The following TSPAN14 variants were observed in gnomAD, a reference collection of about 807,000 sequenced individuals.
The protein encoded by TSPAN14 is tetraspanin 14, also known as tetraspanin-14.
In TSPAN14, 16 loss-of-function variants were observed where a neutral mutation model predicts 36.6. That is an observed-to-expected ratio of 0.44 (90% CI 0.30 to 0.66). The LOEUF is 0.66. TSPAN14 is among the 30% of genes least tolerant of loss of function. The pLI is 0.12. For synonymous variants in TSPAN14, 139 were observed against 143.8 expected, an observed-to-expected ratio of 0.97 and a Z score of 0.24; for missense variants, 231 against 355.1, an observed-to-expected ratio of 0.65 and a Z score of 2.81.
rs564424042 is a variant in TSPAN14, at chr10:80,478,884, T to C, written c.-17-10333T>C. 4.6e-4 allele frequency among the ~76,000 whole-genome samples: 70 copies of C among 152,310 alleles called. 2 individuals are homozygous for C. In the South Asian group the frequency reaches 0.014, roughly 32 times the overall value. On this transcript the variant is annotated intron_variant, in intron 1 of 8. Coordinates refer to ENST00000429989, the Ensembl canonical transcript of TSPAN14. Reference sequence around the variant, plus strand: ...TAAGAATATAAAAATTCCACAATGGTTGAACTAGTTTACAGTCCCACCAAC... The same window carrying C: ...TAAGAATATAAAAATTCCACAATGGCTGAACTAGTTTACAGTCCCACCAAC...
intron 1 of TSPAN14, among the ~76,000 whole-genome samples, chr10:80,475,358 G>A (rs1398423947): frequency 6.6e-6 from 1 of 152,128 alleles, no homozygotes; most frequent in East Asian, 1.9e-4. Context: ...CTTGAGCCAG[G>A]GGTTTGAGAT....
At chr10:80,498,806 G>A (rs994613415) in intron 2 of TSPAN14, among the ~76,000 whole-genome samples, 4 of 152,190 alleles carry the variant, frequency 2.6e-5, no homozygotes, top group Admixed American at 6.5e-5. Flanking sequence ...TGTGACCTAG[G>A]AAAGATAATC....
intron 1 of TSPAN14, 54 bp from the exon 2 acceptor site, chr10:80,489,163 G>A (rs1847788583): frequency 1.6e-6 from 2 of 1,233,476 alleles, no homozygotes; most frequent in Admixed American, 2.0e-5. Context: ...CTGGTTTGGG[G>A]GAAAGGTTTT....
exon 9 of TSPAN14, chr10:80,520,762 A>G (rs374979883): frequency 1.9e-5 from 10 of 533,100 alleles, no homozygotes; most frequent in East Asian, 1.6e-4. Flanking sequence ...ACCACCCACC[A>G]TGCCCCACGT....
At chr10:80,519,696 GC>G (rs768782814) in exon 9 of TSPAN14, 2 of 152,334 alleles carry the variant, frequency 1.3e-5, no homozygotes. Flanking sequence ...AGTGGTAAAC[GC>G]GGCTGCCAGA....
chr10:80,456,519 G>A (rs1254161775), intron 1 of TSPAN14, among the ~76,000 whole-genome samples: 1 of 152,150 alleles, frequency 6.6e-6, no homozygotes, highest in African/African-American at 2.4e-5. Context: ...GGAAAGCCCT[G>A]GGTTCTGGAA....
chr10:80,476,633 T>A (rs923012534), intron 1 of TSPAN14, among the ~76,000 whole-genome samples: 4 of 152,040 alleles, frequency 2.6e-5, no homozygotes, highest in African/African-American at 9.7e-5. Context: ...GCCAAGATGG[T>A]CTCGATATCC....
chr10:80,504,814 C>A (rs1383352887), intron 3 of TSPAN14, 36 bp downstream of exon 3: 3 of 1,612,128 alleles, frequency 1.9e-6, no homozygotes, highest in Non-Finnish European at 1.7e-6. Context: ...GAGCTTCAGG[C>A]AGCCAAAACC....
chr10:80,520,804 C>T, exon 9 of TSPAN14: 1 of 533,540 alleles, frequency 1.9e-6, no homozygotes, highest in Non-Finnish European at 3.8e-6. Context: ...ATTGTCAACT[C>T]TGGCCTTCTT....
chr10:80,507,460 C>A, intron 4 of TSPAN14, 86 bp downstream of exon 4: 2 of 1,574,902 alleles, frequency 1.3e-6, no homozygotes, highest in Non-Finnish European at 1.7e-6. Flanking sequence ...CTGGTCAGAG[C>A]AGGTGGCAGC....
chr10:80,498,431 A>T (rs1227919600), intron 2 of TSPAN14, among the ~76,000 whole-genome samples: 1 of 151,388 alleles, frequency 6.6e-6, no homozygotes, highest in East Asian at 1.9e-4. Flanking sequence ...GGCTTCCTCC[A>T]CTCTCTGCTG....
At chr10:80,481,430 C>T (rs948914538) in intron 1 of TSPAN14, among the ~76,000 whole-genome samples, 9 of 151,976 alleles carry the variant, frequency 5.9e-5, no homozygotes, top group Non-Finnish European at 8.8e-5. Flanking sequence ...AGAAGTTGTA[C>T]GGGAAAAGAA....
chr10:80,486,089 T>A (rs1847580921), intron 1 of TSPAN14, among the ~76,000 whole-genome samples: 1 of 152,156 alleles, frequency 6.6e-6, no homozygotes, highest in Non-Finnish European at 1.5e-5. Flanking sequence ...AGTGAGGGCT[T>A]GGAGTTTAGG....
At chr10:80,505,113 A>G (rs1840211458) in intron 3 of TSPAN14, among the ~76,000 whole-genome samples, 1 of 152,182 alleles carries the variant, frequency 6.6e-6, no homozygotes, top group African/African-American at 2.4e-5. Flanking sequence ...GTCCCTGAAT[A>G]CAGGCATGCT....
intron 5 of TSPAN14, among the ~76,000 whole-genome samples, chr10:80,510,255 C>T (rs527593411): frequency 6.6e-6 from 1 of 152,348 alleles, no homozygotes; most frequent in South Asian, 2.1e-4. Context: ...GAAAATAAAT[C>T]AGAAACCATT....
chr10:80,478,368 C>T (rs1259549369), intron 1 of TSPAN14, among the ~76,000 whole-genome samples: 1 of 152,102 alleles, frequency 6.6e-6, no homozygotes, highest in Non-Finnish European at 1.5e-5. Flanking sequence ...AAAATTAAAG[C>T]ATCAGCCAGG....
At chr10:80,489,102 T>G (rs1446606520) in intron 1 of TSPAN14, 115 bp from the exon 2 acceptor site, 1 of 690,946 alleles carries the variant, frequency 1.4e-6, no homozygotes. Context: ...CTTGGACCAG[T>G]AAAGGGTCAT....
At chr10:80,457,449 A>T (rs943481852) in intron 1 of TSPAN14, among the ~76,000 whole-genome samples, 2 of 152,214 alleles carry the variant, frequency 1.3e-5, no homozygotes, top group Non-Finnish European at 2.9e-5. Flanking sequence ...TCGGCCTCCC[A>T]AAGTGCTGGG....
chr10:80,509,894 T>G lies in TSPAN14; in HGVS notation c.450+423T>G. The G allele has an allele frequency of 6.2e-6, 1 of 162,068 alleles. No individual in the cohort carries two copies. Among genetic ancestry groups the G allele is most frequent in the Non-Finnish European group, 1.4e-5 (1 of 73,588 alleles). 10.0% of individuals were successfully genotyped at this position (162,068 alleles called of 1,614,324 possible). A position where few individuals can be genotyped will look rare whatever the true frequency, so the allele number is the denominator to read the frequency against. On this transcript the variant is annotated intron_variant, in intron 5 of 8. Transcript: ENST00000429989. This position sits in a 1 kb window ranked among gnomAD's most constrained non-coding sequence, Gnocchi z 4.7. ...CTATCCCCTTCCTCCCCGGGACCTT[T>G]TCCCCTTCCTCCCTGGGACCTTTTC...
Sources: gnomAD v4.1 joint callset for allele counts (sites outside exome capture counted in the v4.1 genomes callset) on GRCh38, gnomAD v4.1.1 for gene constraint, Gnocchi (gnomAD v3.1) non-coding constraint, MANE v1.5 for transcripts, NCBI Gene and HGNC (gene_info 2026-07-23, HGNC 2026-07-21) for gene names.